Variants in WIPI1 observed in about 807,000 individuals in gnomAD.
The protein encoded by WIPI1 is WD repeat domain phosphoinositide-interacting protein 1.
WIPI1 carries 45 observed loss-of-function variants against 55.3 expected under a neutral mutation model. That is an observed-to-expected ratio of 0.81 (90% CI 0.64 to 1.04). The LOEUF (loss-of-function observed/expected upper bound fraction) is 1.04, where lower values mean the gene tolerates loss of function less well. Among genes scored for constraint, WIPI1 ranks in the 50% least tolerant of loss-of-function variants. The pLI is 0.00. For synonymous variants in WIPI1, 195 were observed against 217.6 expected (o/e 0.90, Z 0.92); for missense variants, 445 against 559.0 (o/e 0.80, Z 2.06).
At position 68,430,009 on chromosome 17, in the gene WIPI1, A is replaced by G. The variant is rs1352855675; in HGVS notation, c.952T>C (p.Cys318Arg). 1.9e-6 allele frequency: 3 copies of G among 1,614,204 alleles called. No individual in the cohort carries two copies. The highest frequency in any genetic ancestry group is 1.7e-6 in the Non-Finnish European group (2 of 1,180,040). Reference protein sequence around the residue: ...RLNFSGQRNICTLSTIQKLPR... With the variant: ...RLNFSGQRNIRTLSTIQKLPR... ...CATTGTACGTACGTTGAGAGGGTAC[A>G]GATGTTCCTCTGTCCGGAGAAGTTC... Residue 318 changes from cysteine (C) to arginine (R), a missense_variant, in exon 9 of 13, where the codon TGT (cysteine) becomes CGT (arginine). Coordinates refer to ENST00000262139, the MANE Select transcript of WIPI1 (RefSeq NM_017983.7).
intron 8 of WIPI1, 88 bp downstream of exon 8, chr17:68,433,380 A>T: frequency 8.1e-7 from 1 of 1,229,606 alleles, no homozygotes; most frequent in Non-Finnish European, 1.2e-6. Context: ...GGGTGTTCAG[A>T]AAGAAAAGAG....
In WIPI1 at chr17:68,426,243, G is replaced by T; in HGVS notation, c.1193-68C>A. On this transcript the variant is annotated intron_variant, in intron 11 of 12. Coordinates refer to ENST00000262139, the MANE Select transcript of WIPI1 (RefSeq NM_017983.7). ...GCTTTTATGCCATGACCTGGCGGGT[G>T]GGGAGCGGGGGCTCAAATAAAGGGC... 5.5e-5 allele frequency: 51 copies of T among 935,228 alleles called. 1 individual carries two copies. The highest frequency in any genetic ancestry group is 7.4e-5 in the Non-Finnish European group (47 of 634,384). The allele number at this position is 935,228 out of a possible 1,614,324, so 57.9% of individuals were successfully genotyped here. A position where few individuals can be genotyped will look rare whatever the true frequency, so the allele number is the denominator to read the frequency against.
chr17:68,457,342 G>A lies in WIPI1; in HGVS notation c.80C>T (p.Thr27Ile). The A allele has an allele frequency of 1.9e-6, 3 of 1,546,052 alleles. No homozygotes were observed. Among genetic ancestry groups the A allele is most frequent in the Non-Finnish European group, 2.6e-6 (3 of 1,145,572 alleles). ...TGGCAGGGGCCGAGTCGCAGCTTAC[G>A]TGCAGTCCTGGTTGAAAGAGAAGCA... ...LSCFSFNQDCTSLATGTKAGY... is the reference protein window; with the variant it reads ...LSCFSFNQDCISLATGTKAGY... Residue 27 changes from threonine to isoleucine, a missense_variant and splice_region_variant, in exon 1 of 13, where the codon ACA becomes ATA. By Grantham distance (89) the Thr-to-Ile change is moderately conservative. Coordinates refer to ENST00000262139, the MANE Select transcript of WIPI1 (RefSeq NM_017983.7).
chr17:68,426,254 G>GGGGGGGGGGGGGGGGGGGGGGT, intron 11 of WIPI1, 79 bp from the exon 12 acceptor site: 1 of 816,924 alleles, frequency 1.2e-6, no homozygotes, highest in Admixed American at 2.3e-5. Flanking sequence ...GGGAGCGGGG[G>GGGGGGGGGGGGGGGGGGGGGGT]CTCAAATAAA....
Position 68,428,945 on chromosome 17 carries a change from C to G in WIPI1, c.966-9G>C. On this transcript the variant is annotated splice_polypyrimidine_tract_variant and intron_variant, in intron 9 of 12. Coordinates refer to ENST00000262139, the MANE Select transcript of WIPI1 (RefSeq NM_017983.7). ...GTGGCAACTTCTGGATCCTAAGGGC[C>G]AAGGAAAACATAAACCGTGATGACA... is the stretch of plus-strand genomic sequence containing the variant. 12 of 1,605,958 alleles carry G rather than the reference C, an allele frequency of 7.5e-6. No individual in the cohort carries two copies. Among genetic ancestry groups the G allele is most frequent in the Non-Finnish European group, 1.0e-5 (12 of 1,173,240 alleles).
chr17:68,454,426 C>T (rs2084596059), intron 1 of WIPI1, among the ~76,000 whole-genome samples: 1 of 152,104 alleles, frequency 6.6e-6, no homozygotes. Flanking sequence ...TTTTTTTTCC[C>T]TACCCAGACA....
chr17:68,427,763 A>G (rs1157730262), intron 10 of WIPI1, among the ~76,000 whole-genome samples: 1 of 152,168 alleles, frequency 6.6e-6, no homozygotes, highest in Admixed American at 6.5e-5. Flanking sequence ...TTCCCAGTAC[A>G]CACAGGTGAG....
At chr17:68,441,275 A>G (rs1490143514) in intron 4 of WIPI1, among the ~76,000 whole-genome samples, 1 of 152,216 alleles carries the variant, frequency 6.6e-6, no homozygotes, top group Non-Finnish European at 1.5e-5. Flanking sequence ...CGGGCATGAC[A>G]CAAACAGACA....
At chr17:68,426,241 GT>G in intron 11 of WIPI1, 66 bp from the exon 12 acceptor site, 9 of 1,107,538 alleles carry the variant, frequency 8.1e-6, no homozygotes, top group South Asian at 1.2e-5. Context: ...GACCTGGCGG[GT>G]GGGGAGCGGG....
At chr17:68,441,372 AGTCAAAATGCATT>A (rs2084069716) in intron 4 of WIPI1, among the ~76,000 whole-genome samples, 1 of 152,258 alleles carries the variant, frequency 6.6e-6, no homozygotes, top group Non-Finnish European at 1.5e-5. Context: ...TAGTTTATGA[AGTCAAAATGCATT>A]CAGGATTTGT....
At position 68,423,890 on chromosome 17, in the gene WIPI1, T is replaced by C. The variant is rs1358143740; in HGVS notation, c.1294-2070A>G. On this transcript the variant is annotated intron_variant, in intron 12 of 12. Transcript: ENST00000262139. This position sits in a 1 kb window ranked among gnomAD's most constrained non-coding sequence, Gnocchi z 4.4. The stretch of plus-strand genomic sequence containing the variant: ...CTTACTGCGATTACAATTAAGAATC[T>C]AATAATATTTTATAGTAGTTACAGA... Among the ~76,000 whole-genome samples, 2 of 152,242 alleles carry C rather than the reference T, an allele frequency of 1.3e-5. No homozygotes were observed. The highest frequency in any genetic ancestry group is 2.9e-5 in the Non-Finnish European group (2 of 68,044).
In WIPI1 at chr17:68,427,255, T is replaced by C; in HGVS notation, c.1074-2A>G. The stretch of plus-strand genomic sequence containing the variant: ...TCTGTTGTTCCTGAGCCAAGCAAGC[T>C]ACTTGTGACAATCAAGAGGAGGTGA... On this transcript the variant is annotated splice_acceptor_variant, in intron 10 of 12. Coordinates refer to ENST00000262139, the MANE Select transcript of WIPI1 (RefSeq NM_017983.7). LOFTEE classifies it high-confidence loss of function. 6.2e-7 allele frequency: 1 copy of C among 1,610,228 alleles called. No individual in the cohort carries two copies. The highest frequency in any genetic ancestry group is 8.5e-7 in the Non-Finnish European group (1 of 1,176,534).
chr17:68,426,251 G>GGGGGGGGA lies in WIPI1; in HGVS notation c.1193-77_1193-76insTCCCCCCC. 3 of 825,460 alleles carry GGGGGGGGA rather than the reference G, an allele frequency of 3.6e-6. 1 individual carries two copies. The highest frequency in any genetic ancestry group is 5.8e-6 in the Non-Finnish European group (3 of 521,074). 51.1% of individuals were successfully genotyped at this position (825,460 alleles called of 1,614,324 possible). On this transcript the variant is annotated intron_variant, in intron 11 of 12. Coordinates refer to ENST00000262139, the MANE Select transcript of WIPI1 (RefSeq NM_017983.7). ...GCCATGACCTGGCGGGTGGGGAGCG[G>GGGGGGGGA]GGGCTCAAATAAAGGGCAAAGGAAG... is the stretch of plus-strand genomic sequence containing the variant.
Position 68,435,632 on chromosome 17 carries a change from A to C in WIPI1, c.609T>G (p.Ser203Arg). The C allele has an allele frequency of 1.2e-6, 2 of 1,614,130 alleles. No homozygotes were observed. The highest frequency in any genetic ancestry group is 1.7e-6 in the Non-Finnish European group (2 of 1,180,004). The stretch of plus-strand genomic sequence containing the variant: ...GGAGTGGACTCACTTTTTCAGACGC[A>C]CTTGCTAGTTTGGAGCCTGAGGCAT... ...TFNASGSKLA[S>R]ASEKGTVIRV... Residue 203 changes from serine to arginine, a missense_variant, in exon 6 of 13, where the codon AGT (serine) becomes AGG (arginine). Ser to Arg is a moderately radical substitution (Grantham distance 110, BLOSUM62 -1). Coordinates refer to ENST00000262139, the MANE Select transcript of WIPI1 (RefSeq NM_017983.7).
At chr17:68,426,253 G>GGGGGGA in intron 11 of WIPI1, 78 bp from the exon 12 acceptor site, 3 of 841,018 alleles carry the variant, frequency 3.6e-6, no homozygotes, top group Non-Finnish European at 3.8e-6. Flanking sequence ...GGGGAGCGGG[G>GGGGGGA]GCTCAAATAA....
chr17:68,438,937 C>A (rs761727015), intron 4 of WIPI1, among the ~76,000 whole-genome samples: 1 of 152,094 alleles, frequency 6.6e-6, no homozygotes, highest in Non-Finnish European at 1.5e-5. Context: ...GTTAAAAACA[C>A]GATGAGATAC....
chr17:68,437,001 A>ATATATATATAT (rs1202533854), intron 4 of WIPI1, among the ~76,000 whole-genome samples: 3 of 51,460 alleles, frequency 5.8e-5, no homozygotes, highest in Non-Finnish European at 1.5e-4. Context: ...CTCAAAAAAA[A>ATATATATATAT]AAAAATATAT....
At chr17:68,421,959 C>A in intron 12 of WIPI1, 139 bp from the exon 13 acceptor site, 1 of 999,940 alleles carries the variant, frequency 1.0e-6, no homozygotes, top group Admixed American at 1.8e-5. Flanking sequence ...TGAACTCGCT[C>A]ATGGCCACAG....
chr17:68,457,243 C>A, intron 1 of WIPI1, 99 bp downstream of exon 1: 1 of 1,415,924 alleles, frequency 7.1e-7, no homozygotes, highest in South Asian at 1.3e-5. Flanking sequence ...CCGCCGAGGC[C>A]GCCTCGAGGC....
Sources: gnomAD v4.1 joint callset for allele counts (sites outside exome capture counted in the v4.1 genomes callset) on GRCh38, gnomAD v4.1.1 for gene constraint, Gnocchi (gnomAD v3.1) non-coding constraint, MANE v1.5 for transcripts, NCBI Gene and HGNC (gene_info 2026-07-23, HGNC 2026-07-21) for gene names.